EPM2A: variants seen among roughly 807,000 people sequenced by gnomAD.
EPM2A encodes laforin.
A neutral mutation model predicts 26.5 loss-of-function variants in EPM2A; 21 were observed. The observed-to-expected ratio is 0.79, with a 90% CI of 0.56 to 1.14. EPM2A has a LOEUF of 1.14. EPM2A is among the 50% of genes most tolerant of loss of function. The pLI, the probability that EPM2A is intolerant of heterozygous loss-of-function variation, is 0.00. For synonymous variants in EPM2A, 217 were observed against 177.6 expected (o/e 1.22, Z -1.76); for missense variants, 458 against 440.8 (o/e 1.04, Z -0.35).
intron 2 of EPM2A, among the ~76,000 whole-genome samples, chr6:145,608,650 C>A (rs1775321699): frequency 4.6e-5 from 7 of 151,922 alleles, no homozygotes; most frequent in Admixed American, 4.6e-4. Context: ...AACAGACATG[C>A]AAAAGAAGAG....
chr6:145,505,235 T>TA (rs1462568895), intron 2 of EPM2A, among the ~76,000 whole-genome samples: 3 of 128,518 alleles, frequency 2.3e-5, no homozygotes, highest in African/African-American at 9.0e-5. Flanking sequence ...CCCTAAAACT[T>TA]AAAGTATAAT....
exon 4 of EPM2A, chr6:145,501,749 T>C (rs534029843): frequency 6.4e-6 from 3 of 470,632 alleles, no homozygotes; most frequent in African/African-American, 6.0e-5. Context: ...CTTGCACCAG[T>C]CGTCACCCAT....
chr6:145,586,249 A>G lies in EPM2A; in HGVS notation c.340+48996T>C, dbSNP rs1205907105. On this transcript the variant is annotated intron_variant, in intron 2 of 3. Coordinates refer to the EPM2A transcript ENST00000450221. ...GTTGTATCTTGAAAATCACTTTTCC[A>G]TATATTTTGTCTAGTGTTTTGCTTG... 3.3e-5 allele frequency among the ~76,000 whole-genome samples: 5 copies of G among 152,196 alleles called. No individual in the cohort carries two copies. The East Asian group carries it at 9.6e-4, about 29-fold the overall frequency.
intron 2 of EPM2A, among the ~76,000 whole-genome samples, chr6:145,608,560 A>G (rs973508010): frequency 6.6e-6 from 1 of 152,090 alleles, no homozygotes; most frequent in Non-Finnish European, 1.5e-5. Context: ...AAATGTTCCT[A>G]TTTCATCCTT....
intron 4 of EPM2A, among the ~76,000 whole-genome samples, chr6:145,393,108 A>G (rs140562634): frequency 5.7e-4 from 87 of 152,264 alleles, no homozygotes; most frequent in African/African-American, 2.1e-3. Flanking sequence ...ACTCTGGTCA[A>G]GCAGATTAAC....
intron 2 of EPM2A, among the ~76,000 whole-genome samples, chr6:145,524,146 T>TTCCA (rs1438940851): frequency 2.6e-5 from 4 of 152,366 alleles, no homozygotes; most frequent in African/African-American, 9.6e-5. Context: ...CTGCATAGTA[T>TTCCA]TCCACTGCAT....
chr6:145,616,671 T>C (rs1775520012), intron 2 of EPM2A, among the ~76,000 whole-genome samples: 1 of 152,220 alleles, frequency 6.6e-6, no homozygotes, highest in South Asian at 2.1e-4. Context: ...GGGGTGGAGC[T>C]GCCCAAGGCC....
chr6:145,613,700 G>A (rs992686018), intron 2 of EPM2A, among the ~76,000 whole-genome samples: 1 of 152,130 alleles, frequency 6.6e-6, no homozygotes, highest in Admixed American at 6.6e-5. Flanking sequence ...TTGTCAATAA[G>A]CATTTGTATT....
At chr6:145,454,267 T>C (rs1217031547) in intron 4 of EPM2A, among the ~76,000 whole-genome samples, 1 of 152,206 alleles carries the variant, frequency 6.6e-6, no homozygotes, top group Non-Finnish European at 1.5e-5. Context: ...TTTTAAAATG[T>C]GTATAACATC....
intron 2 of EPM2A, among the ~76,000 whole-genome samples, chr6:145,601,987 CA>C (rs1248342555): frequency 6.6e-6 from 1 of 152,154 alleles, no homozygotes; most frequent in African/African-American, 2.4e-5. Context: ...AAATTACTAA[CA>C]TACATTTTTA....
At chr6:145,722,567 A>G (rs1199097036) in intron 1 of EPM2A, among the ~76,000 whole-genome samples, 1 of 152,196 alleles carries the variant, frequency 6.6e-6, no homozygotes, top group Non-Finnish European at 1.5e-5. Context: ...ATGGAAGGGA[A>G]TACTAAATCA....
At chr6:145,466,918 T>G (rs1181860107) in intron 4 of EPM2A, among the ~76,000 whole-genome samples, 1 of 152,040 alleles carries the variant, frequency 6.6e-6, no homozygotes, top group Non-Finnish European at 1.5e-5. Flanking sequence ...CCACACATTC[T>G]CACTCATAGG....
intron 4 of EPM2A, among the ~76,000 whole-genome samples, chr6:145,410,503 T>C (rs1428648586): frequency 1.3e-5 from 2 of 152,072 alleles, no homozygotes; most frequent in Non-Finnish European, 2.9e-5. Flanking sequence ...ATCTTTGGAG[T>C]TATTTAAATT....
chr6:145,634,470 A>G (rs1291643849), intron 3 of EPM2A: 4 of 152,556 alleles, frequency 2.6e-5, no homozygotes, highest in African/African-American at 9.7e-5. Context: ...CTTCCCATGC[A>G]TAACCCTCCT....
downstream of EPM2A, among the ~76,000 whole-genome samples, chr6:145,620,660 T>A (rs553264337): frequency 6.6e-6 from 1 of 152,370 alleles, no homozygotes; most frequent in South Asian, 2.1e-4. Context: ...AGTATGGTAA[T>A]GACAATGACC....
intron 4 of EPM2A, among the ~76,000 whole-genome samples, chr6:145,471,044 T>A (rs539292567): frequency 6.6e-6 from 1 of 152,166 alleles, no homozygotes; most frequent in Non-Finnish European, 1.5e-5. Flanking sequence ...TGATAAAAGT[T>A]CATTTTGTGG....
chr6:145,671,516 C>A, intron 2 of EPM2A: 1 of 348,162 alleles, frequency 2.9e-6, no homozygotes, highest in South Asian at 1.2e-4. Context: ...CAGGTGTTAA[C>A]CTTGATTATT....
At chr6:145,564,680 A>T (rs768803193) in intron 2 of EPM2A, among the ~76,000 whole-genome samples, 8 of 150,188 alleles carry the variant, frequency 5.3e-5, no homozygotes, top group Non-Finnish European at 1.0e-4. Context: ...AAGTATGGAG[A>T]TGGCCTCAGG....
At position 145,627,299 on chromosome 6, in the gene EPM2A, T is replaced by C. The variant is rs1775879588; in HGVS notation, c.*117A>G. On this transcript the variant is annotated 3_prime_UTR_variant, in exon 4 of 4. Coordinates refer to ENST00000367519, the MANE Select transcript of EPM2A (RefSeq NM_005670.4). ...TCATCCCAGGTGAAAGTGGTTGGCT[T>C]GGGGGAGGTCACACAGTCCTTTCAG... 1 of 1,585,676 alleles carries C rather than the reference T, an allele frequency of 6.3e-7. No homozygotes were observed. Among genetic ancestry groups the C allele is most frequent in the Non-Finnish European group, 8.5e-7 (1 of 1,173,078 alleles).
Sources: allele counts gnomAD v4.1 joint callset (sites outside exome capture counted in the v4.1 genomes callset), GRCh38; gene constraint gnomAD v4.1.1; transcripts MANE v1.5; gene names NCBI Gene and HGNC (gene_info 2026-07-23, HGNC 2026-07-21).